The following KIAA0930 variants were observed in gnomAD, a reference collection of about 807,000 sequenced individuals.
The protein encoded by KIAA0930 is KIAA0930.
Under a neutral mutation model 43.9 loss-of-function variants are expected in KIAA0930, and 24 were observed. That is an observed-to-expected ratio of 0.55 (90% CI 0.40 to 0.77). The LOEUF (loss-of-function observed/expected upper bound fraction) is 0.77. Ranked by LOEUF, KIAA0930 falls within the 30% of genes least tolerant of loss-of-function variation. The pLI, the probability that KIAA0930 is intolerant of heterozygous loss-of-function variation, is 0.00. For missense variants in KIAA0930, 461 were observed against 574.2 expected (o/e 0.80, Z 2.02); for synonymous variants, 259 against 216.4 (o/e 1.20, Z -1.73).
intron 6 of KIAA0930, 38 bp downstream of exon 6, chr22:45,203,793 AGCCGCCGTCCCCGG>A: frequency 6.3e-7 from 1 of 1,584,250 alleles, no homozygotes; most frequent in Non-Finnish European, 8.6e-7. Flanking sequence ...TGGGCTGTGG[AGCCGCCGTCCCCGG>A]GCCCAGAAGA....
chr22:45,240,561 A>G, intron 1 of KIAA0930, 79 bp downstream of exon 1: 1 of 1,015,492 alleles, frequency 9.8e-7, no homozygotes, highest in Non-Finnish European at 1.5e-6. Context: ...CGCGGGGCGC[A>G]CAGAAACACG....
intron 1 of KIAA0930, chr22:45,226,222 G>A (rs1195325290): frequency 6.4e-6 from 3 of 470,676 alleles, no homozygotes; most frequent in Non-Finnish European, 8.8e-6. Context: ...TGAAATCCTC[G>A]AAGTGCTTTC....
intron 1 of KIAA0930, among the ~76,000 whole-genome samples, chr22:45,233,928 C>A (rs1251760604): frequency 6.6e-6 from 1 of 152,330 alleles, no homozygotes; most frequent in African/African-American, 2.4e-5. Flanking sequence ...GGGACAAGGG[C>A]CTCCAGAAGA....
chr22:45,203,274 T>C (rs2083606108), intron 6 of KIAA0930, 90 bp from the exon 7 acceptor site: 1 of 1,345,048 alleles, frequency 7.4e-7, no homozygotes, highest in Non-Finnish European at 1.0e-6. Context: ...AGGGCGACCA[T>C]CCCTCAAGGA....
At chr22:45,214,836 G>T (rs1396083756) in intron 1 of KIAA0930, among the ~76,000 whole-genome samples, 1 of 152,172 alleles carries the variant, frequency 6.6e-6, no homozygotes, top group Non-Finnish European at 1.5e-5. Context: ...TTGAGCCCAG[G>T]AGTTCGAGGC....
intron 5 of KIAA0930, 79 bp downstream of exon 5, chr22:45,205,138 T>TA: frequency 8.2e-7 from 1 of 1,218,704 alleles, no homozygotes; most frequent in African/African-American, 1.5e-5. Context: ...TCTGCAAGGC[T>TA]AAGGCCGCGG....
At chr22:45,198,992 C>T (rs189017428) in intron 8 of KIAA0930, among the ~76,000 whole-genome samples, 3 of 152,306 alleles carry the variant, frequency 2.0e-5, no homozygotes, top group Admixed American at 1.3e-4. Context: ...GCACACAGTG[C>T]GGAGCCAGGC....
At chr22:45,202,756 G>A (rs1601809801) in intron 7 of KIAA0930, 1 of 472,400 alleles carries the variant, frequency 2.1e-6, no homozygotes, top group East Asian at 3.6e-5. Context: ...GCCAGGCACA[G>A]CCCTCCAGGT....
chr22:45,212,364 G>T, intron 1 of KIAA0930: 8 of 1,598,314 alleles, frequency 5.0e-6, no homozygotes, highest in Non-Finnish European at 6.0e-6. Context: ...CCACAGCTGA[G>T]CCTGACTCCA....
chr22:45,197,326 T>C, intron 9 of KIAA0930, 110 bp from the exon 10 acceptor site: 1 of 927,170 alleles, frequency 1.1e-6, no homozygotes, highest in South Asian at 1.7e-5. Flanking sequence ...CACTCATGCA[T>C]CTCCTCTCCA....
Position 45,192,626 on chromosome 22 carries a change from G to A in KIAA0930, c.*4550C>T, listed in dbSNP as rs1033259330. On this transcript the variant is annotated 3_prime_UTR_variant, in exon 10 of 10. Transcript: ENST00000336156. ...TCCAGAGCGGGGACTAAAGGGGCAGGGCGGGGAAGAAAGCGAGCGTGTCGC... is the reference window on the plus strand; with the variant it reads ...TCCAGAGCGGGGACTAAAGGGGCAGAGCGGGGAAGAAAGCGAGCGTGTCGC... The A allele has an allele frequency of 1.3e-5, 2 of 152,274 alleles. No homozygotes were observed. Among genetic ancestry groups the A allele is most frequent in the South Asian group, 2.1e-4 (1 of 4,836 alleles). 9.4% of individuals were successfully genotyped at this position (152,274 alleles called of 1,614,324 possible). A position where few individuals can be genotyped will look rare whatever the true frequency, so the allele number is the denominator to read the frequency against.
At chr22:45,211,314 T>C (rs936779515) in intron 2 of KIAA0930, 2 of 398,442 alleles carry the variant, frequency 5.0e-6, no homozygotes, top group Admixed American at 4.4e-5. Context: ...AGCAAAAGCT[T>C]GTGAAAAACA....
In KIAA0930 at chr22:45,197,086, C is replaced by T. The variant is rs994752189; in HGVS notation, c.*90G>A. ...TGCGGCTCCAGCACTGGCGTGCCAT[C>T]GCAGACCCCGGTGGCGGTGGACAGG... On this transcript the variant is annotated 3_prime_UTR_variant, in exon 10 of 10. Coordinates refer to ENST00000336156, the MANE Select transcript of KIAA0930 (RefSeq NM_001009880.2). The T allele has an allele frequency of 3.9e-5, 45 of 1,157,858 alleles. No homozygotes were observed. Among genetic ancestry groups the T allele is most frequent in the African/African-American group, 1.9e-4 (12 of 62,272 alleles). 71.7% of individuals were successfully genotyped at this position (1,157,858 alleles called of 1,614,324 possible).
chr22:45,211,158 C>G (rs145874155), intron 2 of KIAA0930, among the ~76,000 whole-genome samples: 2 of 152,318 alleles, frequency 1.3e-5, no homozygotes, highest in Non-Finnish European at 2.9e-5. Flanking sequence ...TGAGCCTCTG[C>G]CAGCAAACCA....
chr22:45,200,596 C>A (rs1293042880), intron 7 of KIAA0930, among the ~76,000 whole-genome samples: 1 of 152,230 alleles, frequency 6.6e-6, no homozygotes, highest in African/African-American at 2.4e-5. Flanking sequence ...TCATTCCCAG[C>A]ACCCTTCACA....
At position 45,203,032 on chromosome 22, in the gene KIAA0930, C is replaced by T; in HGVS notation, c.810G>A (p.Gly270=). The T allele has an allele frequency of 6.2e-7, 1 of 1,613,230 alleles. No individual in the cohort carries two copies. The highest frequency in any genetic ancestry group is 8.5e-7 in the Non-Finnish European group (1 of 1,179,664). The change falls in exon 7 of 10, where the codon GGG becomes GGA. Residue 270 remains glycine, a synonymous_variant. Transcript: ENST00000336156. Reference sequence around the variant, plus strand: ...AAGCTGGGCTGGAGTCCTCTTCAGTCCCACAGGGGGATGTGTCACCTGTAG... The same window carrying T: ...AAGCTGGGCTGGAGTCCTCTTCAGTTCCACAGGGGGATGTGTCACCTGTAG... ...RVSTGDTSPC[G]TEEDSSPASP...
intron 1 of KIAA0930, among the ~76,000 whole-genome samples, chr22:45,233,223 G>C (rs2083865438): frequency 6.6e-6 from 1 of 152,146 alleles, no homozygotes; most frequent in Non-Finnish European, 1.5e-5. Context: ...CCCCCCAGGA[G>C]GACTTTCACT....
intron 7 of KIAA0930, 82 bp from the exon 8 acceptor site, chr22:45,200,117 C>G: frequency 7.3e-7 from 1 of 1,376,258 alleles, no homozygotes; most frequent in Non-Finnish European, 9.7e-7. Context: ...ATCCCACCCT[C>G]AAACAACCTG....
intron 1 of KIAA0930, among the ~76,000 whole-genome samples, chr22:45,228,228 C>T (rs2083814969): frequency 6.6e-6 from 1 of 152,178 alleles, no homozygotes; most frequent in South Asian, 2.1e-4. Flanking sequence ...CCCCAGCACA[C>T]ACAGCATCAA....
Sources: gnomAD v4.1 joint callset for allele counts (sites outside exome capture counted in the v4.1 genomes callset) on GRCh38, gnomAD v4.1.1 for gene constraint, MANE v1.5 for transcripts, NCBI Gene and HGNC (gene_info 2026-07-23, HGNC 2026-07-21) for gene names.